Variants in GALC observed in about 807,000 individuals in gnomAD.
GALC encodes galactosylceramidase.
GALC carries 77 observed loss-of-function variants against 91.8 expected under a neutral mutation model. The observed-to-expected ratio is 0.84, with a 90% CI of 0.70 to 1.01. The LOEUF is 1.01. Ranked by LOEUF, GALC falls within the 50% of genes least tolerant of loss-of-function variation. The probability of loss-of-function intolerance (pLI) is 0.00; values close to 1 mark genes in which losing one functional copy is unlikely to be tolerated. For synonymous variants in GALC, 357 were observed against 306.7 expected (o/e 1.16, Z -1.71); for missense variants, 882 against 855.9 (o/e 1.03, Z -0.38).
intron 10 of GALC, among the ~76,000 whole-genome samples, chr14:87,955,589 C>T (rs942317109): frequency 2.6e-5 from 4 of 152,112 alleles, no homozygotes; most frequent in South Asian, 2.1e-4. Context: ...ACCTAAAAAC[C>T]GTCAATGTGA....
intron 10 of GALC, chr14:87,954,908 T>C: frequency 6.4e-7 from 1 of 1,567,416 alleles, no homozygotes; most frequent in Non-Finnish European, 8.8e-7. Context: ...ATGACTGTAG[T>C]TGATGGAAGA....
rs1887261478 is a variant in GALC at position 87,992,771 on chromosome 14, G to A, written c.195+199C>T. 2.8e-6 allele frequency: 4 copies of A among 1,416,224 alleles called. No individual in the cohort carries two copies. The African/African-American group carries it at 4.3e-5, about 15-fold the overall frequency. 87.7% of individuals were successfully genotyped at this position (1,416,224 alleles called of 1,614,324 possible). ...TTTGTTCAAACCTAACTGCCTGTCT[G>A]GTTCGTGTTAAACGAGAAAGCACCC... On this transcript the variant is annotated intron_variant, in intron 1 of 16. Transcript: ENST00000261304.
At chr14:87,956,930 G>GT (rs146621866) in intron 10 of GALC, among the ~76,000 whole-genome samples, 17,876 of 151,874 alleles carry the variant, frequency 0.12, 1,395 homozygotes, top group African/African-American at 0.22. Flanking sequence ...AACATCTATT[G>GT]TTTTTTGATG....
At chr14:87,944,625 TTA>T (rs1595193078) in intron 14 of GALC, among the ~76,000 whole-genome samples, 2 of 151,984 alleles carry the variant, frequency 1.3e-5, no homozygotes, top group African/African-American at 4.8e-5. Flanking sequence ...CTTCATAGTG[TTA>T]TAAGGGTTCC....
chr14:87,964,568 G>A (rs896565852), intron 9 of GALC, among the ~76,000 whole-genome samples: 6 of 152,102 alleles, frequency 3.9e-5, no homozygotes, highest in Non-Finnish European at 8.8e-5. Flanking sequence ...TCATGAAAAA[G>A]TGACACTATG....
Position 87,947,807 on chromosome 14 carries a change from G to A in GALC, c.1410C>T (p.Thr470=). ...EDELFTLTTL[T]TGRKGSYPLP... is the part of the protein sequence containing the mutation. Reference sequence around the variant, plus strand: ...GCGGGTAGCTGCCTTTGCGACCAGTGGTGAGAGTGGTGAGTGTGAACAGCT... The same window carrying A: ...GCGGGTAGCTGCCTTTGCGACCAGTAGTGAGAGTGGTGAGTGTGAACAGCT... The change falls in exon 13 of 17, where the codon ACC becomes ACT. Residue 470 remains threonine (T), a synonymous_variant. Coordinates refer to ENST00000261304, the MANE Select transcript of GALC (RefSeq NM_000153.4). 1 of 1,612,644 alleles carries A rather than the reference G, an allele frequency of 6.2e-7. No homozygotes were observed. The highest frequency in any genetic ancestry group is 8.5e-7 in the Non-Finnish European group (1 of 1,179,056).
intron 6 of GALC, among the ~76,000 whole-genome samples, chr14:87,981,989 C>T (rs941889668): frequency 5.9e-5 from 9 of 151,860 alleles, no homozygotes; most frequent in African/African-American, 1.7e-4. Flanking sequence ...AAAGGTAATT[C>T]GGGGCTCACA....
chr14:87,982,269 CTGAAT>C (rs1443323260), intron 5 of GALC, 26 bp from the exon 6 acceptor site: 1 of 1,524,552 alleles, frequency 6.6e-7, no homozygotes, highest in Non-Finnish European at 9.1e-7. Flanking sequence ...TCAAAAAAGT[CTGAAT>C]TGAAAGTTAC....
intron 1 of GALC, among the ~76,000 whole-genome samples, chr14:87,990,457 G>A (rs1887151673): frequency 6.6e-6 from 1 of 152,150 alleles, no homozygotes; most frequent in South Asian, 2.1e-4. Flanking sequence ...CACATAGTAA[G>A]TTCTCAATAA....
intron 10 of GALC, chr14:87,953,568 T>C (rs1014227202): frequency 1.7e-5 from 28 of 1,609,476 alleles, no homozygotes; most frequent in Non-Finnish European, 1.7e-6. Context: ...TTGAGTTGTG[T>C]AGCTCAGGAA....
intron 12 of GALC, 130 bp downstream of exon 12, chr14:87,949,715 C>G (rs1020643557): frequency 1.0e-5 from 6 of 591,572 alleles, no homozygotes; most frequent in Non-Finnish European, 1.8e-5. Flanking sequence ...AACTAAATGT[C>G]TAAGAGCTAA....
chr14:87,957,984 T>A lies in GALC; in HGVS notation c.1161+5400A>T, dbSNP rs1228168397. 2.0e-5 allele frequency among the ~76,000 whole-genome samples: 3 copies of A among 152,084 alleles called. No individual in the cohort carries two copies. In the East Asian group the frequency reaches 5.8e-4, roughly 29 times the overall value. On this transcript the variant is annotated intron_variant, in intron 10 of 16. Coordinates refer to ENST00000261304, the MANE Select transcript of GALC (RefSeq NM_000153.4). Reference sequence around the variant, plus strand: ...AATTCCTATCAAAATACCAACATCATCTTTCACAGAATTAGAAAAAACAAT... The same window carrying A: ...AATTCCTATCAAAATACCAACATCAACTTTCACAGAATTAGAAAAAACAAT...
chr14:87,984,502 T>C lies in GALC; in HGVS notation c.474A>G (p.Gly158=). ...TGACATAAGGCCAGTCGAAACCTTT[T>C]CCCAGCCATCCAGGGAATGACCATG... ...GLPWSFPGWL[G]KGFDWPYVNL... is the part of the protein sequence containing the mutation. The change falls in exon 5 of 17, where the codon GGA becomes GGG. Residue 158 remains glycine (G), a synonymous_variant. Coordinates refer to ENST00000261304, the MANE Select transcript of GALC (RefSeq NM_000153.4). The C allele has an allele frequency of 1.2e-6, 2 of 1,614,140 alleles. No homozygotes were observed. The highest frequency in any genetic ancestry group is 1.7e-6 in the Non-Finnish European group (2 of 1,180,022).
chr14:87,970,193 C>T (rs1314029127), intron 7 of GALC, among the ~76,000 whole-genome samples: 1 of 152,068 alleles, frequency 6.6e-6, no homozygotes, highest in African/African-American at 2.4e-5. Context: ...ATTTTTAATA[C>T]TCATCTAGTT....
intron 13 of GALC, among the ~76,000 whole-genome samples, chr14:87,946,123 A>G (rs1885061664): frequency 6.6e-6 from 1 of 151,998 alleles, no homozygotes; most frequent in Non-Finnish European, 1.5e-5. Flanking sequence ...AGAAAAGATA[A>G]CAGGTACATA....
At position 87,945,753 on chromosome 14, in the gene GALC, T is replaced by C; in HGVS notation, c.1490-20A>G. On this transcript the variant is annotated intron_variant, in intron 13 of 16. Transcript: ENST00000261304. ...GGTAATCTGTTCAGAATGTAAGAAATTCTCTGTTTAGTATCAAATCCTTCA... is the reference window on the plus strand; with the variant it reads ...GGTAATCTGTTCAGAATGTAAGAAACTCTCTGTTTAGTATCAAATCCTTCA... 2.5e-6 allele frequency: 4 copies of C among 1,591,760 alleles called. No individual in the cohort carries two copies. The highest frequency in any genetic ancestry group is 3.4e-6 in the Non-Finnish European group (4 of 1,161,828).
chr14:87,940,911 G>A (rs443013), intron 15 of GALC, among the ~76,000 whole-genome samples: 145,449 of 151,950 alleles, frequency 0.96, 69,906 homozygotes, highest in Non-Finnish European at 1. Flanking sequence ...CCTAACACAA[G>A]GGCTGTAAAG....
At chr14:87,954,193 G>A in intron 10 of GALC, 2 of 1,580,322 alleles carry the variant, frequency 1.3e-6, no homozygotes, top group South Asian at 1.1e-5. Context: ...TCCTACCTCA[G>A]AGATCTTCCT....
intron 6 of GALC, among the ~76,000 whole-genome samples, chr14:87,978,518 T>G (rs1490221661): frequency 4.6e-5 from 7 of 152,260 alleles, no homozygotes; most frequent in Non-Finnish European, 8.8e-5. Flanking sequence ...CTACATGCTA[T>G]GATTTCTAAA....
Sources: allele counts gnomAD v4.1 joint callset (sites outside exome capture counted in the v4.1 genomes callset), GRCh38; gene constraint gnomAD v4.1.1; transcripts MANE v1.5; gene names NCBI Gene and HGNC (gene_info 2026-07-23, HGNC 2026-07-21).